The following ARB2A variants were observed in gnomAD, a reference collection of about 807,000 sequenced individuals.
ARB2A encodes ARB2 cotranscriptional regulator A, also known as cotranscriptional regulator ARB2A.
the ARB2A span, among the ~76,000 whole-genome samples, chr5:94,068,722 G>A: frequency 1.1e-3 from 161 of 152,156 alleles, no homozygotes; most frequent in Non-Finnish European, 1.4e-3. Context: ...AAAAGTGGGT[G>A]CAGTCACCTT....
the ARB2A span, among the ~76,000 whole-genome samples, chr5:93,679,035 A>G: frequency 6.6e-6 from 1 of 152,236 alleles, no homozygotes; most frequent in African/African-American, 2.4e-5. Flanking sequence ...AGTGGAATAT[A>G]AGTGACTATG....
chr5:93,977,857 A>G, the ARB2A span, among the ~76,000 whole-genome samples: 6 of 152,190 alleles, frequency 3.9e-5, no homozygotes, highest in African/African-American at 1.2e-4. Flanking sequence ...AATTATTTTA[A>G]AACTATGCAT....
chr5:93,629,240 TG>T, the ARB2A span, among the ~76,000 whole-genome samples: 1 of 152,200 alleles, frequency 6.6e-6, no homozygotes, highest in African/African-American at 2.4e-5. Flanking sequence ...CAATTAACTT[TG>T]CCATCTTCTA....
the ARB2A span, among the ~76,000 whole-genome samples, chr5:93,685,896 TGGACCAA>T: frequency 6.6e-6 from 1 of 152,222 alleles, no homozygotes; most frequent in Non-Finnish European, 1.5e-5. Context: ...TCATTTATTC[TGGACCAA>T]GGCTGCCAAA....
the ARB2A span, among the ~76,000 whole-genome samples, chr5:93,650,933 G>A: frequency 2.0e-4 from 30 of 152,064 alleles, no homozygotes; most frequent in African/African-American, 5.8e-4. Flanking sequence ...TCAAGGCTGC[G>A]GTGAGCTATG....
chr5:93,989,287 TCTTC>T, the ARB2A span, among the ~76,000 whole-genome samples: 5 of 152,218 alleles, frequency 3.3e-5, no homozygotes, highest in South Asian at 2.1e-4. Flanking sequence ...TAATGTACAT[TCTTC>T]CTTATTAATT....
the ARB2A span, among the ~76,000 whole-genome samples, chr5:93,771,163 T>C: frequency 3.3e-5 from 5 of 151,828 alleles, no homozygotes; most frequent in Non-Finnish European, 7.4e-5. Context: ...TATCTACAAC[T>C]ATCTGATCTT....
the ARB2A span, among the ~76,000 whole-genome samples, chr5:93,635,454 C>T: frequency 1.4e-5 from 2 of 142,984 alleles, no homozygotes; most frequent in African/African-American, 5.9e-5. Context: ...ACAGTTTATA[C>T]GAAAGTTTTT....
At chr5:93,846,183 T>C in the ARB2A span, among the ~76,000 whole-genome samples, 1 of 152,124 alleles carries the variant, frequency 6.6e-6, no homozygotes, top group African/African-American at 2.4e-5. Flanking sequence ...AGCAAAGCTT[T>C]GGAAACAAAG....
At chr5:94,110,285 T>G in the ARB2A span, among the ~76,000 whole-genome samples, 1 of 152,234 alleles carries the variant, frequency 6.6e-6, no homozygotes, top group African/African-American at 2.4e-5. Flanking sequence ...GGACTTTCTA[T>G]TTTGTTTACT....
chr5:93,899,115 C>A, the ARB2A span, among the ~76,000 whole-genome samples: 1 of 152,054 alleles, frequency 6.6e-6, no homozygotes, highest in Non-Finnish European at 1.5e-5. Flanking sequence ...TCTCAAGTGA[C>A]AAAAATCATG....
At chr5:93,789,376 G>C in the ARB2A span, among the ~76,000 whole-genome samples, 1 of 152,158 alleles carries the variant, frequency 6.6e-6, no homozygotes, top group Non-Finnish European at 1.5e-5. Flanking sequence ...GTTGAGGTTT[G>C]AGATGCCTTT....
chr5:94,029,930 C>T, the ARB2A span, among the ~76,000 whole-genome samples: 1 of 152,104 alleles, frequency 6.6e-6, no homozygotes, highest in Non-Finnish European at 1.5e-5. Context: ...TTCCACATGG[C>T]GGGGGAGGCC....
chr5:93,820,738 A>C, the ARB2A span, among the ~76,000 whole-genome samples: 57 of 152,298 alleles, frequency 3.7e-4, no homozygotes, highest in Middle Eastern at 3.4e-3. Context: ...AAAGTTCATT[A>C]TCAATTCATG....
the ARB2A span, among the ~76,000 whole-genome samples, chr5:93,865,207 G>A: frequency 2.2e-3 from 340 of 152,154 alleles, 1 homozygote; most frequent in African/African-American, 7.8e-3. Context: ...TCAGCCTCCT[G>A]AGTAGCTGAG....
At chr5:94,078,347 T>C in the ARB2A span, among the ~76,000 whole-genome samples, 1 of 152,192 alleles carries the variant, frequency 6.6e-6, no homozygotes. Flanking sequence ...TACTTGCAAC[T>C]GAAATTACAG....
At chr5:93,652,742 A>T in the ARB2A span, among the ~76,000 whole-genome samples, 2 of 152,236 alleles carry the variant, frequency 1.3e-5, no homozygotes, top group Non-Finnish European at 2.9e-5. Context: ...GCTGATGTAC[A>T]CTATGACACA....
chr5:93,850,352 G>A, the ARB2A span, among the ~76,000 whole-genome samples: 1 of 152,280 alleles, frequency 6.6e-6, no homozygotes, highest in East Asian at 1.9e-4. Context: ...GATACAACCA[G>A]AGCTTCCAGA....
the ARB2A span, among the ~76,000 whole-genome samples, chr5:93,856,315 C>T: frequency 2.6e-5 from 4 of 152,250 alleles, no homozygotes; most frequent in African/African-American, 7.2e-5. Flanking sequence ...TTTCCTGAAT[C>T]TGAATGTTGG....
Sources: allele counts gnomAD v4.1 joint callset (sites outside exome capture counted in the v4.1 genomes callset), GRCh38; gene constraint gnomAD v4.1.1; transcripts MANE v1.5; gene names NCBI Gene and HGNC (gene_info 2026-07-23, HGNC 2026-07-21).